OSBPL1A: variants seen among roughly 807,000 people sequenced by gnomAD.
OSBPL1A encodes the protein oxysterol-binding protein-related protein 1.
In OSBPL1A, 80 loss-of-function variants were observed where a neutral mutation model predicts 137.1. The ratio of observed to expected loss-of-function variants is 0.58; its 90% CI spans 0.49 to 0.70. The LOEUF is 0.70. Among genes scored for constraint, OSBPL1A ranks in the 30% least tolerant of loss-of-function variants. OSBPL1A has a pLI of 0.00. For synonymous variants in OSBPL1A, 365 were observed against 389.7 expected, an observed-to-expected ratio of 0.94 and a Z score of 0.75; for missense variants, 970 against 1,129.4, an observed-to-expected ratio of 0.86 and a Z score of 2.02.
chr18:24,186,903 C>CAAA (rs57438319), intron 18 of OSBPL1A, among the ~76,000 whole-genome samples: 7 of 62,598 alleles, frequency 1.1e-4, no homozygotes, highest in South Asian at 6.2e-4. Flanking sequence ...GACTCTGTCT[C>CAAA]AAAAAAAAAA....
In OSBPL1A at chr18:24,194,690, T is replaced by C. The variant is rs529507368; in HGVS notation, c.1677+1435A>G. Among the ~76,000 whole-genome samples, 4 of 152,284 alleles carry C rather than the reference T, an allele frequency of 2.6e-5. No individual in the cohort carries two copies. The East Asian group carries it at 7.7e-4, about 29-fold the overall frequency. On this transcript the variant is annotated intron_variant, in intron 18 of 27. Coordinates refer to ENST00000319481, the MANE Select transcript of OSBPL1A (RefSeq NM_080597.4). ...ATTGAGCGCAACGTTAAACCAGGAA[T>C]AGTTCCAGGCATTTTACATAAATTA... is the stretch of plus-strand genomic sequence containing the variant.
At chr18:24,315,770 ATAT>A (rs1281673544) in intron 11 of OSBPL1A, among the ~76,000 whole-genome samples, 1 of 119,626 alleles carries the variant, frequency 8.4e-6, no homozygotes, top group Non-Finnish European at 1.6e-5. Context: ...AGTATATATT[ATAT>A]AATAAAAAAT....
At chr18:24,353,877 A>C (rs2091487732) in intron 4 of OSBPL1A, among the ~76,000 whole-genome samples, 1 of 139,722 alleles carries the variant, frequency 7.2e-6, no homozygotes, top group Non-Finnish European at 1.5e-5. Context: ...ATGAGAACAC[A>C]TGGACACAGG....
intron 12 of OSBPL1A, among the ~76,000 whole-genome samples, chr18:24,312,770 T>C (rs1034644562): frequency 7.2e-5 from 11 of 152,180 alleles, no homozygotes; most frequent in Non-Finnish European, 1.6e-4. Flanking sequence ...CTTTGGAAAA[T>C]AGATTATTTT....
chr18:24,381,365 A>C (rs1378746663), intron 1 of OSBPL1A, among the ~76,000 whole-genome samples: 2 of 152,198 alleles, frequency 1.3e-5, no homozygotes, highest in Non-Finnish European at 2.9e-5. Context: ...ATCAGATATC[A>C]AGGGTGGAGG....
intron 15 of OSBPL1A, among the ~76,000 whole-genome samples, chr18:24,260,767 G>A (rs997537793): frequency 6.8e-6 from 1 of 148,114 alleles, no homozygotes; most frequent in Admixed American, 6.8e-5. Context: ...CCACTGAATT[G>A]TATGCTCAAA....
chr18:24,200,473 A>T (rs1013658444), intron 17 of OSBPL1A, among the ~76,000 whole-genome samples: 2 of 151,862 alleles, frequency 1.3e-5, no homozygotes, highest in African/African-American at 4.8e-5. Flanking sequence ...GAGGCAGGAG[A>T]ATCACTTGAA....
intron 1 of OSBPL1A, among the ~76,000 whole-genome samples, chr18:24,378,542 A>G (rs1906358357): frequency 6.6e-6 from 1 of 152,226 alleles, no homozygotes. Flanking sequence ...CTTATACAAG[A>G]TTATTTTGAA....
At chr18:24,214,307 G>C (rs993417773) in intron 17 of OSBPL1A, among the ~76,000 whole-genome samples, 1 of 152,346 alleles carries the variant, frequency 6.6e-6, no homozygotes, top group Non-Finnish European at 1.5e-5. Flanking sequence ...GCACAGATCA[G>C]AGCTAACTAC....
chr18:24,337,706 G>T (rs555649383), intron 5 of OSBPL1A, among the ~76,000 whole-genome samples: 6 of 151,842 alleles, frequency 4.0e-5, no homozygotes, highest in African/African-American at 1.4e-4. Flanking sequence ...AATCCAGGAT[G>T]GGAGGGGAAA....
intron 1 of OSBPL1A, among the ~76,000 whole-genome samples, chr18:24,388,316 T>A (rs897937380): frequency 6.6e-6 from 1 of 152,128 alleles, no homozygotes; most frequent in African/African-American, 2.4e-5. Flanking sequence ...TAGAACACAG[T>A]AGGCAACCAA....
At chr18:24,347,109 G>T (rs1398589293) in intron 4 of OSBPL1A, among the ~76,000 whole-genome samples, 1 of 152,084 alleles carries the variant, frequency 6.6e-6, no homozygotes. Flanking sequence ...GATTTTGAAA[G>T]ATATACTTTT....
intron 1 of OSBPL1A, among the ~76,000 whole-genome samples, chr18:24,386,127 G>C (rs1244206308): frequency 6.6e-6 from 1 of 152,108 alleles, no homozygotes; most frequent in Non-Finnish European, 1.5e-5. Context: ...GAGGAGGAGA[G>C]AGGACTCTTC....
Position 24,166,659 on chromosome 18 carries a change from T to C in OSBPL1A, c.2579A>G (p.Asp860Gly). 1 of 1,613,126 alleles carries C rather than the reference T, an allele frequency of 6.2e-7. No homozygotes were observed. Residue 860 changes from aspartate (D) to glycine (G), a missense_variant, in exon 26 of 28, where the codon GAC (aspartate) becomes GGC (glycine). Physicochemically the swap from Asp to Gly is moderately conservative, Grantham distance 94. Transcript: ENST00000319481. Reference protein sequence around the residue: ...TSFAMVLNEVDKDMESVIPKT... With the variant: ...TSFAMVLNEVGKDMESVIPKT... ...GGGAATCACACTCTCCATGTCTTTGTCTACTTCATTCAAAACCATTGCAAA... is the reference window on the plus strand; with the variant it reads ...GGGAATCACACTCTCCATGTCTTTGCCTACTTCATTCAAAACCATTGCAAA...
At chr18:24,318,928 C>T (rs2090791518) in intron 7 of OSBPL1A, 119 bp from the exon 8 acceptor site, 5 of 867,570 alleles carry the variant, frequency 5.8e-6, no homozygotes, top group Admixed American at 2.4e-5. Context: ...TTTTTCTTTC[C>T]CCAGAAAATT....
intron 2 of OSBPL1A, among the ~76,000 whole-genome samples, chr18:24,376,439 T>C (rs1194278398): frequency 1.3e-5 from 2 of 152,184 alleles, no homozygotes; most frequent in Non-Finnish European, 2.9e-5. Flanking sequence ...AGAGTGCCGA[T>C]TGGTGTATTT....
intron 14 of OSBPL1A, among the ~76,000 whole-genome samples, chr18:24,282,889 A>C (rs934280337): frequency 3.3e-5 from 5 of 152,154 alleles, no homozygotes; most frequent in African/African-American, 1.2e-4. Flanking sequence ...TAAAAGGATC[A>C]CTTGAGGCCA....
chr18:24,223,118 A>T (rs568088557), intron 17 of OSBPL1A, among the ~76,000 whole-genome samples: 1 of 152,230 alleles, frequency 6.6e-6, no homozygotes, highest in East Asian at 1.9e-4. Flanking sequence ...TCTAAAACAC[A>T]ACCCAAACTA....
chr18:24,166,843 G>A (rs1357462804), intron 25 of OSBPL1A, 141 bp from the exon 26 acceptor site: 11 of 843,460 alleles, frequency 1.3e-5, no homozygotes, highest in Middle Eastern at 3.5e-4. Context: ...CAGATCACAC[G>A]TATCTAAATG....
Sources: allele counts gnomAD v4.1 joint callset (sites outside exome capture counted in the v4.1 genomes callset), GRCh38; gene constraint gnomAD v4.1.1; transcripts MANE v1.5; gene names NCBI Gene and HGNC (gene_info 2026-07-23, HGNC 2026-07-21).